Variants in CUL4A observed in about 807,000 individuals in gnomAD.
CUL4A encodes the protein cullin 4A.
A neutral mutation model predicts 95.5 loss-of-function variants in CUL4A; 16 were observed. That is an observed-to-expected ratio of 0.17 (90% confidence interval 0.11 to 0.25). CUL4A has a LOEUF of 0.25. CUL4A is among the 10% of genes least tolerant of loss of function. The pLI is 1.00. For missense variants in CUL4A, 610 were observed against 937.0 expected, an observed-to-expected ratio of 0.65 and a Z score of 4.56; for synonymous variants, 380 against 353.1, an observed-to-expected ratio of 1.08 and a Z score of -0.85.
chr13:113,215,155 G>A (rs906376534), intron 2 of CUL4A, among the ~76,000 whole-genome samples: 6 of 147,600 alleles, frequency 4.1e-5, no homozygotes, highest in African/African-American at 1.3e-4. Context: ...TGTGGAGGTC[G>A]CTGTGTGACT....
chr13:113,212,110 C>G (rs904012577), intron 2 of CUL4A, among the ~76,000 whole-genome samples: 9 of 152,232 alleles, frequency 5.9e-5, no homozygotes, highest in Admixed American at 5.2e-4. Flanking sequence ...TCTTCGTTGA[C>G]GAAGTGTCTA....
rs200449900 is a variant in CUL4A, at chr13:113,226,913, G to GC, written c.369-1057dup. On this transcript the variant is annotated intron_variant, in intron 3 of 19. Coordinates refer to ENST00000375440, the MANE Select transcript of CUL4A (RefSeq NM_001008895.4). ...ACCAGGCCAGTCACCATCTCCAGGA[G>GC]CCCCCCTGTGGGAGTATGTTCAGTG... Among the ~76,000 whole-genome samples the GC allele has an allele frequency of 0.016, 2,390 of 152,258 alleles. 161 individuals are homozygous for GC. The East Asian group carries it at 0.2, about 13-fold the overall frequency.
At chr13:113,251,917 G>C (rs929196096) in intron 15 of CUL4A, among the ~76,000 whole-genome samples, 5 of 152,174 alleles carry the variant, frequency 3.3e-5, no homozygotes, top group Non-Finnish European at 5.9e-5. Flanking sequence ...ACGAGAGCAG[G>C]GGGAGGCCAC....
At chr13:113,224,921 C>T (rs1235340777) in intron 3 of CUL4A, among the ~76,000 whole-genome samples, 6 of 152,164 alleles carry the variant, frequency 3.9e-5, no homozygotes, top group East Asian at 1.9e-4. Context: ...TCCGGTCTGT[C>T]GGTACAGGCA....
At chr13:113,239,904 C>T (rs2041657823) in intron 10 of CUL4A, among the ~76,000 whole-genome samples, 1 of 152,226 alleles carries the variant, frequency 6.6e-6, no homozygotes. Context: ...ACATGATCTC[C>T]TCATGCCCTT....
At chr13:113,224,277 C>T (rs538475384) in intron 3 of CUL4A, among the ~76,000 whole-genome samples, 1 of 151,840 alleles carries the variant, frequency 6.6e-6, no homozygotes, top group African/African-American at 2.4e-5. Flanking sequence ...GGCATGAACC[C>T]GGGAGGCAGA....
intron 19 of CUL4A, among the ~76,000 whole-genome samples, chr13:113,263,272 T>C (rs2042337158): frequency 6.6e-6 from 1 of 152,256 alleles, no homozygotes; most frequent in African/African-American, 2.4e-5. Context: ...GGACGCTTTT[T>C]TTATCAAGAG....
rs201687311 is a variant in CUL4A, at chr13:113,263,665, CTGAT to C, written c.*88_*91del. ...GCACACCTGTGCCATTTCTGGGACT[CTGAT>C]TGATCCAGCTGTGGACATTGGAAGG... On this transcript the variant is annotated 3_prime_UTR_variant, in exon 20 of 20. Transcript: ENST00000375440. 1,808 of 852,538 alleles carry C rather than the reference CTGAT, an allele frequency of 2.1e-3. 27 individuals are homozygous for C. The African/African-American group carries it at 0.028, about 13-fold the overall frequency. The allele number at this position is 852,538 out of a possible 1,614,324, so 52.8% of individuals were successfully genotyped here.
At chr13:113,246,821 T>C (rs2316464) in intron 15 of CUL4A, among the ~76,000 whole-genome samples, 147,931 of 152,314 alleles carry the variant, frequency 0.97, 71,968 homozygotes, top group South Asian at 1. Context: ...GCTTCAGAAA[T>C]GAAGACCAAA....
chr13:113,247,778 C>G (rs1005126896), intron 15 of CUL4A, among the ~76,000 whole-genome samples: 1 of 152,186 alleles, frequency 6.6e-6, no homozygotes, highest in African/African-American at 2.4e-5. Flanking sequence ...CTGCACCATT[C>G]CCTTTCCCCT....
rs2042402115 is a variant in CUL4A at position 113,266,751 on chromosome 13, G to A, written c.*3169G>A. 6.6e-6 allele frequency: 1 copy of A among 152,192 alleles called. No homozygotes were observed. 9.4% of individuals were successfully genotyped at this position (152,192 alleles called of 1,614,324 possible). ...CATGCTCAGAAGTTTGGGCCACCTT[G>A]AAAAGAGAAAAGTTGGATTAGACTC... On this transcript the variant is annotated 3_prime_UTR_variant, in exon 20 of 20. Transcript: ENST00000375440.
chr13:113,252,972 C>G (rs1353747363), intron 15 of CUL4A, 110 bp from the exon 16 acceptor site: 10 of 551,944 alleles, frequency 1.8e-5, no homozygotes, highest in Non-Finnish European at 3.3e-5. Context: ...GAATATAGAG[C>G]TGACCTTTTA....
chr13:113,211,270 G>A (rs573033433), intron 2 of CUL4A, among the ~76,000 whole-genome samples: 2 of 152,366 alleles, frequency 1.3e-5, no homozygotes, highest in East Asian at 3.9e-4. Context: ...GTGCTTTTGA[G>A]ATTCATGCAC....
In CUL4A at chr13:113,254,967, C is replaced by T. The variant is rs1402330767; in HGVS notation, c.1873C>T (p.Arg625Cys). 3.7e-6 allele frequency: 6 copies of T among 1,612,720 alleles called. No homozygotes were observed. The highest frequency in any genetic ancestry group is 4.5e-5 in the East Asian group (2 of 44,864). The stretch of plus-strand genomic sequence containing the variant: ...TTCCCATTCAGAGGATAGTGAATTG[C>T]GCAGAACGCTGCAGTCCCTGGCCTG... The part of the protein sequence containing the change: ...MATGIEDSEL[R>C]RTLQSLACGK... Residue 625 changes from arginine to cysteine, a missense_variant, in exon 18 of 20, where the codon CGC (arginine) becomes TGC (cysteine). Arg to Cys is a radical substitution (Grantham distance 180). Transcript: ENST00000375440.
Position 113,245,143 on chromosome 13 carries a change from T to C in CUL4A, c.1445-9T>C, listed in dbSNP as rs1226044064. The C allele has an allele frequency of 5.0e-6, 8 of 1,614,014 alleles. No individual in the cohort carries two copies. In the East Asian group the frequency reaches 1.1e-4, roughly 22 times the overall value. Reference sequence around the variant, plus strand: ...ACCCCGATCTCACTCCCTCCTTTGCTGTGTCCAGAGTGCGGTGCAGCCTTC... The same window carrying C: ...ACCCCGATCTCACTCCCTCCTTTGCCGTGTCCAGAGTGCGGTGCAGCCTTC... On this transcript the variant is annotated splice_polypyrimidine_tract_variant and intron_variant, in intron 13 of 19. Coordinates refer to ENST00000375440, the MANE Select transcript of CUL4A (RefSeq NM_001008895.4).
At position 113,239,593 on chromosome 13, in the gene CUL4A, G is replaced by T. The variant is rs763878132; in HGVS notation, c.1035+42G>T. 4 of 1,485,330 alleles carry T rather than the reference G, an allele frequency of 2.7e-6. No individual in the cohort carries two copies. In the South Asian group the frequency reaches 4.7e-5, roughly 18 times the overall value. 92.0% of individuals were successfully genotyped at this position (1,485,330 alleles called of 1,614,324 possible). On this transcript the variant is annotated intron_variant, in intron 10 of 19. Coordinates refer to ENST00000375440, the MANE Select transcript of CUL4A (RefSeq NM_001008895.4). ...GAGGCCGCGGGCGTGGGCATTCCCTGCAGGGAGCAGAGCCCCTCCTGAGAA... is the reference window on the plus strand; with the variant it reads ...GAGGCCGCGGGCGTGGGCATTCCCTTCAGGGAGCAGAGCCCCTCCTGAGAA...
intron 3 of CUL4A, among the ~76,000 whole-genome samples, chr13:113,224,077 G>C (rs2041005991): frequency 6.6e-6 from 1 of 152,220 alleles, no homozygotes; most frequent in African/African-American, 2.4e-5. Flanking sequence ...AGCCCGCAGA[G>C]TGCGGTGGCT....
chr13:113,232,576 G>A (rs1406245908), intron 5 of CUL4A, among the ~76,000 whole-genome samples: 1 of 152,248 alleles, frequency 6.6e-6, no homozygotes, highest in South Asian at 2.1e-4. Context: ...CACAAGATGG[G>A]TTTTGTGGAC....
chr13:113,210,108 T>A lies in CUL4A; in HGVS notation c.264+20T>A. 1 of 1,450,098 alleles carries A rather than the reference T, an allele frequency of 6.9e-7. No individual in the cohort carries two copies. The highest frequency in any genetic ancestry group is 9.2e-7 in the Non-Finnish European group (1 of 1,087,994). The allele number at this position is 1,450,098 out of a possible 1,614,324, so 89.8% of individuals were successfully genotyped here. On this transcript the variant is annotated intron_variant, in intron 2 of 19. Coordinates refer to ENST00000375440, the MANE Select transcript of CUL4A (RefSeq NM_001008895.4). ...TACCAGGTGAGGCGGCGGCCGGGGC[T>A]GGGGACGCCGCTCCTGCCCCGCGTG... is the stretch of plus-strand genomic sequence containing the variant.
Sources: allele counts gnomAD v4.1 joint callset (sites outside exome capture counted in the v4.1 genomes callset), GRCh38; gene constraint gnomAD v4.1.1; transcripts MANE v1.5; gene names NCBI Gene and HGNC (gene_info 2026-07-23, HGNC 2026-07-21).